The following NAIP variants were observed in gnomAD, a reference collection of about 807,000 sequenced individuals.
NAIP encodes the protein NLR family apoptosis inhibitory protein, also known as baculoviral IAP repeat-containing protein 1.
NAIP carries 15 observed loss-of-function variants against 23.0 expected under a neutral mutation model. That is an observed-to-expected ratio of 0.65 (90% confidence interval 0.44 to 1.00). The LOEUF (loss-of-function observed/expected upper bound fraction) is 1.00, where lower values mean the gene tolerates loss of function less well. Among genes scored for constraint, NAIP ranks in the 50% least tolerant of loss-of-function variants. The pLI is 0.00. For missense variants in NAIP, 265 were observed against 278.8 expected, an observed-to-expected ratio of 0.95 and a Z score of 0.35; for synonymous variants, 100 against 100.2, an observed-to-expected ratio of 1.00 and a Z score of 0.01.
At chr5:71,000,530 A>C (rs547496569) in intron 8 of NAIP, among the ~76,000 whole-genome samples, 24 of 125,490 alleles carry the variant, frequency 1.9e-4, no homozygotes, top group African/African-American at 7.8e-4. Flanking sequence ...TAATAATAAT[A>C]ATAATAATAA....
chr5:71,009,413 G>A (rs1355850660), intron 5 of NAIP, among the ~76,000 whole-genome samples: 1 of 150,528 alleles, frequency 6.6e-6, no homozygotes, highest in Non-Finnish European at 1.5e-5. Flanking sequence ...ATCTTGGTCA[G>A]GCACAGGTGG....
chr5:71,008,801 C>CAA (rs1187402726), intron 5 of NAIP, among the ~76,000 whole-genome samples: 91 of 82,918 alleles, frequency 1.1e-3, no homozygotes, highest in East Asian at 1.7e-3. Flanking sequence ...GAGACTGTCA[C>CAA]AAAAAAAAAA....
chr5:71,012,568 G>T lies in NAIP; in HGVS notation c.348C>A (p.Asp116Glu). 6.2e-7 allele frequency: 1 copy of T among 1,611,768 alleles called. No individual in the cohort carries two copies. The highest frequency in any genetic ancestry group is 8.5e-7 in the Non-Finnish European group (1 of 1,178,462). The change falls in exon 4 of 17, where the codon GAC becomes GAA. Residue 116 changes from aspartate (D) to glutamate (E), a missense_variant. Asp to Glu is a conservative substitution (Grantham distance 45). Transcript: ENST00000517649. Reference sequence around the variant, plus strand: ...CACAATCTGGATGAAACCTCTTGTGGTCTTCTATGGGGAGTCTCGTGAGGC... The same window carrying T: ...CACAATCTGGATGAAACCTCTTGTGTTCTTCTATGGGGAGTCTCGTGAGGC... ...GAGLTRLPIE[D>E]HKRFHPDCGF... is the part of the protein sequence containing the mutation.
chr5:71,013,634 C>A (rs980994694), intron 3 of NAIP, among the ~76,000 whole-genome samples: 1 of 103,052 alleles, frequency 9.7e-6, no homozygotes, highest in Non-Finnish European at 2.0e-5. Flanking sequence ...AGCAAGACTC[C>A]GTCTTAAAAA....
chr5:71,009,971 C>A (rs1484558709), intron 5 of NAIP, among the ~76,000 whole-genome samples: 1 of 151,580 alleles, frequency 6.6e-6, no homozygotes, highest in Non-Finnish European at 1.5e-5. Context: ...AATAAAAACT[C>A]TTTCTGAGGT....
intron 5 of NAIP, among the ~76,000 whole-genome samples, chr5:71,010,149 CCAGGCTGGAGCA>C (rs765079084): frequency 6.6e-6 from 1 of 151,546 alleles, no homozygotes. Context: ...ACTCTGTCAC[CCAGGCTGGAGCA>C]CAGTGGCTTG....
Position 71,012,782 on chromosome 5 carries a change from T to A in NAIP, c.134A>T (p.Glu45Val), listed in dbSNP as rs774507659. 1.2e-6 allele frequency: 2 copies of A among 1,612,014 alleles called. No homozygotes were observed. The highest frequency in any genetic ancestry group is 1.7e-6 in the Non-Finnish European group (2 of 1,178,530). Residue 45 changes from glutamate to valine, a missense_variant, in exon 4 of 17, where the codon GAG (glutamate) becomes GTG (valine). Physicochemically the swap from Glu to Val is moderately radical, Grantham distance 121. This residue lies in a region of NAIP where 261 missense variants were observed against 259.2 expected (regional missense o/e 1.01). Coordinates refer to ENST00000517649, the MANE Select transcript of NAIP (RefSeq NM_004536.3). ...AKELEEEEQK[E>V]RAKMQKGYNS... ...GTAGCCTTTCTGCATTTTTGCTCGC[T>A]CCTTCTGCTCCTCTTCTTCTAGTTC...
rs1471655040 is a variant in NAIP, at chr5:70,979,582, AAAAAT to A, written c.3442+282_3442+286del. Among the ~76,000 whole-genome samples the A allele has an allele frequency of 1.5e-4, 7 of 47,210 alleles. 3 individuals carry two copies. Among genetic ancestry groups the A allele is most frequent in the Admixed American group, 4.8e-4 (2 of 4,164 alleles). 31.0% of individuals were successfully genotyped at this position (47,210 alleles called of 152,430 possible). A position where few individuals can be genotyped will look rare whatever the true frequency, so the allele number is the denominator to read the frequency against. Reference sequence around the variant, plus strand: ...AGCGGGAGACTGTCTCAAAAAAAAAAAAAATAATAATAATAATAATAATAATAATA... The same window carrying A: ...AGCGGGAGACTGTCTCAAAAAAAAAAAATAATAATAATAATAATAATAATA... On this transcript the variant is annotated intron_variant, in intron 13 of 16. Coordinates refer to ENST00000517649, the MANE Select transcript of NAIP (RefSeq NM_004536.3).
intron 13 of NAIP, among the ~76,000 whole-genome samples, chr5:70,978,307 TTGG>T (rs1169065556): frequency 2.0e-5 from 3 of 149,764 alleles, no homozygotes; most frequent in South Asian, 4.2e-4. Flanking sequence ...ACCATCATAC[TTGG>T]CTAATTTTTT....
chr5:71,009,483 G>A (rs1751045484), intron 5 of NAIP, among the ~76,000 whole-genome samples: 1 of 151,158 alleles, frequency 6.6e-6, no homozygotes, highest in Admixed American at 6.6e-5. Flanking sequence ...TTGAGGCCAG[G>A]AATTTCAGAC....
In NAIP at chr5:71,003,003, A is replaced by G; in HGVS notation, c.750+773T>C. On this transcript the variant is annotated intron_variant, in intron 6 of 16. Transcript: ENST00000517649. ...AGTGCAAGCAAACATACACACACAC[A>G]CACACACACACACACACACACACAC... 2 of 51,948 alleles carry G rather than the reference A, an allele frequency of 3.9e-5. 1 individual carries two copies. The highest frequency in any genetic ancestry group is 1.2e-3 in the South Asian group (2 of 1,640). The allele number at this position is 51,948 out of a possible 1,614,324, so 3.2% of individuals were successfully genotyped here. A position where few individuals can be genotyped will look rare whatever the true frequency, so the allele number is the denominator to read the frequency against.
At chr5:70,978,138 T>C (rs1044242766) in intron 13 of NAIP, among the ~76,000 whole-genome samples, 4 of 39,882 alleles carry the variant, frequency 1.0e-4, no homozygotes, top group African/African-American at 2.1e-4. Flanking sequence ...CACATATATA[T>C]ATATATATAT....
At chr5:70,978,147 ATATTTTT>A (rs1453306256) in intron 13 of NAIP, among the ~76,000 whole-genome samples, 4 of 37,550 alleles carry the variant, frequency 1.1e-4, no homozygotes, top group South Asian at 2.3e-3. Flanking sequence ...ATATATATAT[ATATTTTT>A]TTTTTTTTTT....
chr5:70,996,750 G>A (rs1259335189), intron 9 of NAIP, among the ~76,000 whole-genome samples: 2 of 136,514 alleles, frequency 1.5e-5, no homozygotes, highest in African/African-American at 5.3e-5. Context: ...GTGAGATCAC[G>A]CCATTACACT....
chr5:71,011,241 G>T, intron 5 of NAIP, 34 bp downstream of exon 5: 1 of 1,491,100 alleles, frequency 6.7e-7, no homozygotes, highest in South Asian at 1.2e-5. Context: ...AAAAAAAAAA[G>T]AAAGAAACAT....
intron 5 of NAIP, among the ~76,000 whole-genome samples, chr5:71,010,263 A>G (rs1580930909): frequency 6.8e-6 from 1 of 147,768 alleles, no homozygotes; most frequent in Non-Finnish European, 1.5e-5. Flanking sequence ...ACACGCCACC[A>G]TGCCTGGCTA....
chr5:71,011,681 A>C (rs1751167524), intron 4 of NAIP: 1 of 477,444 alleles, frequency 2.1e-6, no homozygotes, highest in East Asian at 3.9e-5. Context: ...CACCAGGACC[A>C]GCTGAAGTAA....
Position 71,016,150 on chromosome 5 carries a change from G to A in NAIP, c.-3-3232C>T, listed in dbSNP as rs576706834. 2.9e-3 allele frequency among the ~76,000 whole-genome samples: 433 copies of A among 150,566 alleles called. 6 individuals carry two copies. The highest frequency in any genetic ancestry group is 6.9e-3 in the African/African-American group (285 of 41,084). ...TTTTTTAAGAAAACGAAAACTTAGC[G>A]GGGCATGGTGGCATGTGCCTGTAGT... On this transcript the variant is annotated intron_variant, in intron 3 of 16. Transcript: ENST00000517649.
rs763009025 is a variant in NAIP, at chr5:71,011,383, G to A, written c.569-9C>T. The A allele has an allele frequency of 1.2e-5, 19 of 1,578,942 alleles. No homozygotes were observed. In the East Asian group the frequency reaches 4.3e-4, roughly 36 times the overall value. Reference sequence around the variant, plus strand: ...TACCGTGTCCTGTTTACCTATATATGAAGGAAAATATTTAGATTGCCTGGC... The same window carrying A: ...TACCGTGTCCTGTTTACCTATATATAAAGGAAAATATTTAGATTGCCTGGC... On this transcript the variant is annotated splice_polypyrimidine_tract_variant and intron_variant, in intron 4 of 16. Transcript: ENST00000517649.
Sources: gnomAD v4.1 joint callset for allele counts (sites outside exome capture counted in the v4.1 genomes callset) on GRCh38, gnomAD v4.1.1 for gene constraint, gnomAD v4.1.1 regional missense constraint, MANE v1.5 for transcripts, NCBI Gene and HGNC (gene_info 2026-07-23, HGNC 2026-07-21) for gene names.